The following ROBO2 variants were observed in gnomAD, a reference collection of about 807,000 sequenced individuals.
The protein encoded by ROBO2 is roundabout guidance receptor 2, also known as roundabout homolog 2.
In ROBO2, 53 loss-of-function variants were observed where a neutral mutation model predicts 160.8. That is an observed-to-expected ratio of 0.33 (90% CI 0.26 to 0.41). The LOEUF (loss-of-function observed/expected upper bound fraction) is 0.41. ROBO2 is among the 10% of genes least tolerant of loss of function. The probability of loss-of-function intolerance (pLI) is 1.00; values close to 1 mark genes in which losing one functional copy is unlikely to be tolerated. For missense variants in ROBO2, 1,577 were observed against 1,722.4 expected (o/e 0.92, Z 1.49); for synonymous variants, 664 against 611.7 (o/e 1.09, Z -1.26).
chr3:76,767,286 T>C (rs377253715), intron 2 of ROBO2, among the ~76,000 whole-genome samples: 10 of 151,770 alleles, frequency 6.6e-5, no homozygotes, highest in African/African-American at 2.4e-4. Flanking sequence ...GCCTTTGTTA[T>C]TTAAAAGAAC....
chr3:77,017,132 GAAATA>G (rs914780267), intron 2 of ROBO2, among the ~76,000 whole-genome samples: 3 of 152,002 alleles, frequency 2.0e-5, no homozygotes, highest in African/African-American at 7.3e-5. Context: ...ATTTTGAACT[GAAATA>G]AAAGCATATT....
intron 2 of ROBO2, among the ~76,000 whole-genome samples, chr3:76,049,503 C>T (rs1161522807): frequency 1.3e-5 from 2 of 148,186 alleles, no homozygotes; most frequent in Admixed American, 6.8e-5. Context: ...CTCAGTCTCC[C>T]AAAGTGCTGG....
At chr3:77,324,036 C>T (rs1275782133) in intron 2 of ROBO2, among the ~76,000 whole-genome samples, 1 of 152,104 alleles carries the variant, frequency 6.6e-6, no homozygotes, top group Non-Finnish European at 1.5e-5. Context: ...TTTCTCTTAA[C>T]ACTGGTATAT....
At chr3:76,364,571 A>T (rs966308418) in intron 2 of ROBO2, among the ~76,000 whole-genome samples, 1 of 152,068 alleles carries the variant, frequency 6.6e-6, no homozygotes, top group South Asian at 2.1e-4. Flanking sequence ...GCTGTAATTC[A>T]TGAGATTAAA....
At chr3:77,368,782 A>T (rs926453687) in intron 2 of ROBO2, among the ~76,000 whole-genome samples, 3 of 152,170 alleles carry the variant, frequency 2.0e-5, no homozygotes, top group African/African-American at 7.2e-5. Context: ...TTTCCTTCCT[A>T]AATTGATCTC....
chr3:76,813,448 T>A (rs1166417191), intron 2 of ROBO2, among the ~76,000 whole-genome samples: 1 of 152,144 alleles, frequency 6.6e-6, no homozygotes. Flanking sequence ...TTTAAAATAC[T>A]GTTTTGTAGA....
chr3:77,092,172 A>T (rs2070383072), intron 1 of ROBO2: 1 of 152,006 alleles, frequency 6.6e-6, no homozygotes, highest in Non-Finnish European at 1.5e-5. Flanking sequence ...AAAATCCCAG[A>T]TGATTCTGAT....
intron 2 of ROBO2, among the ~76,000 whole-genome samples, chr3:76,273,415 A>G (rs1422497081): frequency 1.3e-5 from 2 of 151,910 alleles, no homozygotes; most frequent in Admixed American, 6.6e-5. Flanking sequence ...GAGTGGGTGT[A>G]TTAGTCTGCT....
At chr3:77,251,810 A>G (rs1412292481) in intron 2 of ROBO2, among the ~76,000 whole-genome samples, 1 of 152,052 alleles carries the variant, frequency 6.6e-6, no homozygotes, top group East Asian at 1.9e-4. Context: ...CCACCATGTA[A>G]GATGTGCTTT....
chr3:76,400,784 G>T (rs2077767334), intron 2 of ROBO2, among the ~76,000 whole-genome samples: 1 of 151,408 alleles, frequency 6.6e-6, no homozygotes, highest in African/African-American at 2.4e-5. Flanking sequence ...ATCATCATTA[G>T]AATTGAAGTG....
Position 75,962,206 on chromosome 3 carries a change from C to T in ROBO2, c.109+24604C>T, listed in dbSNP as rs1445330746. Reference sequence around the variant, plus strand: ...AAAATAACTCATCCATAGAAGGAAACGACTTTATGATTAACATCTGACTTT... The same window carrying T: ...AAAATAACTCATCCATAGAAGGAAATGACTTTATGATTAACATCTGACTTT... On this transcript the variant is annotated intron_variant, in intron 2 of 26. Transcript: ENST00000487694. Among the ~76,000 whole-genome samples the T allele has an allele frequency of 2.0e-5, 3 of 151,472 alleles. No homozygotes were observed. The South Asian group carries it at 6.3e-4, about 32-fold the overall frequency.
chr3:77,087,244 G>GA (rs2069452956), intron 1 of ROBO2, among the ~76,000 whole-genome samples: 1 of 152,088 alleles, frequency 6.6e-6, no homozygotes, highest in Non-Finnish European at 1.5e-5. Context: ...ATGGTTTTTA[G>GA]AAAATTAAAC....
intron 2 of ROBO2, among the ~76,000 whole-genome samples, chr3:75,974,515 A>C (rs2107388422): frequency 6.6e-6 from 1 of 151,690 alleles, no homozygotes; most frequent in East Asian, 2.0e-4. Flanking sequence ...TAATTAAGTA[A>C]AATTTATCAA....
At chr3:77,332,822 CTGT>C (rs1257326682) in intron 2 of ROBO2, among the ~76,000 whole-genome samples, 6 of 152,242 alleles carry the variant, frequency 3.9e-5, no homozygotes, top group Admixed American at 3.9e-4. Context: ...TTAGTTGCTG[CTGT>C]TAATATTAAT....
At chr3:76,320,216 T>C (rs1023379481) in intron 2 of ROBO2, among the ~76,000 whole-genome samples, 4 of 152,294 alleles carry the variant, frequency 2.6e-5, no homozygotes, top group African/African-American at 9.6e-5. Flanking sequence ...TTAGCAATAA[T>C]ATTTATTTGA....
intron 2 of ROBO2, among the ~76,000 whole-genome samples, chr3:77,413,722 A>G (rs2076986554): frequency 6.6e-6 from 1 of 152,232 alleles, no homozygotes; most frequent in African/African-American, 2.4e-5. Flanking sequence ...ATGTGAGGAT[A>G]TAAAGGAAGA....
At chr3:77,600,212 A>G (rs1465082343) in intron 19 of ROBO2, among the ~76,000 whole-genome samples, 1 of 152,186 alleles carries the variant, frequency 6.6e-6, no homozygotes, top group African/African-American at 2.4e-5. Flanking sequence ...CAGAGTTCCA[A>G]ATCATCTGGT....
intron 2 of ROBO2, among the ~76,000 whole-genome samples, chr3:76,644,775 A>T (rs1396667196): frequency 6.6e-6 from 1 of 152,216 alleles, no homozygotes; most frequent in African/African-American, 2.4e-5. Flanking sequence ...CCACAGCTGT[A>T]TAGGGTAGTT....
intron 2 of ROBO2, among the ~76,000 whole-genome samples, chr3:75,998,572 T>C (rs1472014163): frequency 6.6e-6 from 1 of 152,228 alleles, no homozygotes; most frequent in Non-Finnish European, 1.5e-5. Context: ...AAATATATCC[T>C]AAGTATTTAT....
Sources: allele counts gnomAD v4.1 joint callset (sites outside exome capture counted in the v4.1 genomes callset), GRCh38; gene constraint gnomAD v4.1.1; transcripts MANE v1.5; gene names NCBI Gene and HGNC (gene_info 2026-07-23, HGNC 2026-07-21).